Variants in CFAP61 observed in about 807,000 individuals in gnomAD.
CFAP61 encodes cilia and flagella associated protein 61.
Under a neutral mutation model 135.6 loss-of-function variants are expected in CFAP61, and 107 were observed. That is an observed-to-expected ratio of 0.79 (90% CI 0.67 to 0.93). The LOEUF is 0.93. CFAP61 is among the 40% of genes least tolerant of loss of function. The probability of loss-of-function intolerance (pLI) is 0.00; values close to 1 mark genes in which losing one functional copy is unlikely to be tolerated. For missense variants in CFAP61, 1,507 were observed against 1,556.2 expected (o/e 0.97, Z 0.53); for synonymous variants, 575 against 578.5 (o/e 0.99, Z 0.09).
In CFAP61 at chr20:20,135,416, G is replaced by A. The variant is rs767169154; in HGVS notation, c.860-7441G>A. ...ACAAAAGGAAATGAGGCCAACCATG[G>A]CACAAAAACATGTCAAGAAATAAGG... On this transcript the variant is annotated intron_variant, in intron 8 of 26. Transcript: ENST00000245957. Among the ~76,000 whole-genome samples the A allele has an allele frequency of 2.0e-5, 3 of 152,232 alleles. No individual in the cohort carries two copies. The South Asian group carries it at 6.2e-4, about 32-fold the overall frequency.
intron 25 of CFAP61, among the ~76,000 whole-genome samples, chr20:20,314,418 A>T (rs2056997440): frequency 1.3e-5 from 2 of 148,868 alleles, no homozygotes; most frequent in Non-Finnish European, 1.5e-5. Context: ...AATCAACATG[A>T]GTTTTGTTGG....
chr20:20,332,529 A>G (rs909173167), intron 25 of CFAP61, among the ~76,000 whole-genome samples: 12 of 152,212 alleles, frequency 7.9e-5, no homozygotes, highest in Admixed American at 2.0e-4. Flanking sequence ...CTCCATTTGG[A>G]CAGTTTGCAT....
At chr20:20,177,761 GA>G (rs1480330191) in intron 13 of CFAP61, among the ~76,000 whole-genome samples, 2 of 150,228 alleles carry the variant, frequency 1.3e-5, no homozygotes, top group Non-Finnish European at 3.0e-5. Flanking sequence ...CGAACGTGAA[GA>G]GTATAGCAGG....
At chr20:20,262,786 C>T (rs2052355559) in intron 20 of CFAP61, among the ~76,000 whole-genome samples, 170 bp from the exon 21 acceptor site, 1 of 142,528 alleles carries the variant, frequency 7.0e-6, no homozygotes, top group Non-Finnish European at 1.5e-5. Flanking sequence ...TCTAGGTGCT[C>T]TTTCCACCTG....
At chr20:20,232,841 G>A (rs530550487) in intron 18 of CFAP61, 5 of 152,334 alleles carry the variant, frequency 3.3e-5, no homozygotes, top group African/African-American at 1.2e-4. Flanking sequence ...CCCAGCTGGT[G>A]TCCCCGCGAC....
At chr20:20,106,025 T>C (rs1380725641) in intron 8 of CFAP61, among the ~76,000 whole-genome samples, 853 of 65,370 alleles carry the variant, frequency 0.013, 58 homozygotes, top group African/African-American at 0.032. Flanking sequence ...TATATATATA[T>C]ATATATATAT....
chr20:20,228,107 A>C, intron 17 of CFAP61, 142 bp from the exon 18 acceptor site: 1 of 581,078 alleles, frequency 1.7e-6, no homozygotes, highest in Non-Finnish European at 2.9e-6. Flanking sequence ...CATGCATTTT[A>C]TGGTGGCTGT....
intron 25 of CFAP61, among the ~76,000 whole-genome samples, chr20:20,300,493 G>A (rs2055997228): frequency 6.6e-6 from 1 of 152,090 alleles, no homozygotes; most frequent in Admixed American, 6.5e-5. Context: ...GCCTCGGTTT[G>A]TAACAGAAAG....
intron 21 of CFAP61, chr20:20,265,790 G>A (rs2052679974): frequency 3.7e-6 from 1 of 267,938 alleles, no homozygotes; most frequent in African/African-American, 2.2e-5. Context: ...AAATTCTCAA[G>A]TAAAAAAAGT....
At chr20:20,339,863 C>A (rs73120407) in intron 25 of CFAP61, among the ~76,000 whole-genome samples, 2,165 of 152,290 alleles carry the variant, frequency 0.014, 21 homozygotes, top group Non-Finnish European at 0.022. Context: ...CTCAACATTA[C>A]GATCAATTGT....
At chr20:20,059,130 A>C (rs1325123691) in intron 2 of CFAP61, among the ~76,000 whole-genome samples, 1 of 151,948 alleles carries the variant, frequency 6.6e-6, no homozygotes, top group Non-Finnish European at 1.5e-5. Flanking sequence ...AGAGATTAAG[A>C]CCATCCTGGC....
chr20:20,232,439 C>T (rs2049218219), intron 18 of CFAP61, among the ~76,000 whole-genome samples: 1 of 152,096 alleles, frequency 6.6e-6, no homozygotes, highest in Non-Finnish European at 1.5e-5. Flanking sequence ...GTATGCACCT[C>T]TCTTCTGTTT....
chr20:20,329,961 C>G (rs1330844333), intron 25 of CFAP61, among the ~76,000 whole-genome samples: 1 of 152,232 alleles, frequency 6.6e-6, no homozygotes, highest in Non-Finnish European at 1.5e-5. Flanking sequence ...TCATCTCTTG[C>G]TGTCAGAGCA....
intron 26 of CFAP61, among the ~76,000 whole-genome samples, chr20:20,344,584 C>A (rs964474795): frequency 6.6e-6 from 1 of 152,170 alleles, no homozygotes; most frequent in African/African-American, 2.4e-5. Flanking sequence ...GGCTTTTATC[C>A]AAAAGACAGG....
At chr20:20,129,138 A>G (rs956170993) in intron 8 of CFAP61, among the ~76,000 whole-genome samples, 1 of 151,690 alleles carries the variant, frequency 6.6e-6, no homozygotes, top group South Asian at 2.1e-4. Context: ...TTGTCCATGT[A>G]CTTAATTTTA....
intron 8 of CFAP61, 43 bp downstream of exon 8, chr20:20,098,857 T>C: frequency 6.4e-7 from 1 of 1,552,192 alleles, no homozygotes; most frequent in Non-Finnish European, 8.8e-7. Flanking sequence ...ATTAAATCTA[T>C]GCTTTATACA....
Position 20,125,279 on chromosome 20 carries a change from T to C in CFAP61, c.860-17578T>C, listed in dbSNP as rs961528421. ...GCTGGGTTTGGGTTTGGTTTGTTCT[T>C]CTTTCTCTAGTTCCTTGAGATGTGA... On this transcript the variant is annotated intron_variant, in intron 8 of 26. Coordinates refer to ENST00000245957, the MANE Select transcript of CFAP61 (RefSeq NM_015585.4). 7.9e-5 allele frequency among the ~76,000 whole-genome samples: 12 copies of C among 151,946 alleles called. 1 individual carries two copies. The highest frequency in any genetic ancestry group is 2.9e-4 in the African/African-American group (12 of 41,236).
chr20:20,197,953 T>C (rs547777532), intron 16 of CFAP61, among the ~76,000 whole-genome samples: 1 of 152,348 alleles, frequency 6.6e-6, no homozygotes, highest in East Asian at 1.9e-4. Flanking sequence ...TATTAAACAA[T>C]CTAAAGTGTG....
intron 18 of CFAP61, among the ~76,000 whole-genome samples, chr20:20,245,196 T>C (rs1263644184): frequency 1.3e-5 from 2 of 152,248 alleles, no homozygotes; most frequent in Non-Finnish European, 2.9e-5. Context: ...TCTGCATTTT[T>C]GGGTATCTTT....
Sources: allele counts gnomAD v4.1 joint callset (sites outside exome capture counted in the v4.1 genomes callset), GRCh38; gene constraint gnomAD v4.1.1; transcripts MANE v1.5; gene names NCBI Gene and HGNC (gene_info 2026-07-23, HGNC 2026-07-21).